Variants in CREBBP observed in about 807,000 individuals in gnomAD.
CREBBP encodes CREB binding lysine acetyltransferase.
In CREBBP, 19 loss-of-function variants were observed where a neutral mutation model predicts 265.0. The ratio of observed to expected loss-of-function variants is 0.07; its 90% CI spans 0.05 to 0.11. The LOEUF is 0.11. Ranked by LOEUF, CREBBP falls within the 10% of genes least tolerant of loss-of-function variation. The pLI, the probability that CREBBP is intolerant of heterozygous loss-of-function variation, is 1.00. For synonymous variants in CREBBP, 1,457 were observed against 1,223.7 expected (o/e 1.19, Z -3.98); for missense variants, 2,525 against 3,219.0 (o/e 0.78, Z 5.22).
intron 11 of CREBBP, among the ~76,000 whole-genome samples, chr16:3,777,130 T>G (rs1321537475): frequency 6.6e-6 from 1 of 151,858 alleles, no homozygotes; most frequent in Non-Finnish European, 1.5e-5. Context: ...ATCACGGAGA[T>G]CAAGACCATC....
intron 2 of CREBBP, among the ~76,000 whole-genome samples, chr16:3,831,459 A>T (rs1474960210): frequency 6.6e-6 from 1 of 152,212 alleles, no homozygotes; most frequent in Admixed American, 6.5e-5. Context: ...TATTGCCCAA[A>T]TGTTAATATT....
intron 2 of CREBBP, among the ~76,000 whole-genome samples, chr16:3,819,602 G>A (rs2054104340): frequency 6.6e-6 from 1 of 152,172 alleles, no homozygotes; most frequent in Admixed American, 6.5e-5. Context: ...GAAAAACACT[G>A]TGACAACAAC....
intron 2 of CREBBP, among the ~76,000 whole-genome samples, chr16:3,842,967 C>CAAAAAAAAAAAAAAA (rs59990532): frequency 4.6e-5 from 3 of 65,212 alleles, no homozygotes; most frequent in African/African-American, 1.9e-4. Context: ...ACTCCCATCT[C>CAAAAAAAAAAAAAAA]AAAAAAAAAA....
At chr16:3,754,833 C>T (rs879349387) in intron 19 of CREBBP, among the ~76,000 whole-genome samples, 3 of 152,082 alleles carry the variant, frequency 2.0e-5, no homozygotes, top group African/African-American at 4.8e-5. Context: ...TTCTAAGTGC[C>T]CAGTTTAGGA....
rs377364441 is a variant in CREBBP at position 3,800,781 on chromosome 16, T to C, written c.976-7155A>G. Among the ~76,000 whole-genome samples, 11 of 152,284 alleles carry C rather than the reference T, an allele frequency of 7.2e-5. No individual in the cohort carries two copies. In the East Asian group the frequency reaches 1.2e-3, roughly 16 times the overall value. On this transcript the variant is annotated intron_variant, in intron 3 of 30. Transcript: ENST00000262367. ...AAGAGAAAAAAGAACAAAAGCCCCATGGGCGACTCCAATGCAGGAGAAGAC... is the reference window on the plus strand; with the variant it reads ...AAGAGAAAAAAGAACAAAAGCCCCACGGGCGACTCCAATGCAGGAGAAGAC...
chr16:3,798,618 A>C (rs983619451), intron 3 of CREBBP, among the ~76,000 whole-genome samples: 1 of 152,240 alleles, frequency 6.6e-6, no homozygotes, highest in Non-Finnish European at 1.5e-5. Flanking sequence ...AGTTAAGACC[A>C]CAGTGAGATA....
intron 1 of CREBBP, among the ~76,000 whole-genome samples, chr16:3,860,519 A>G (rs1210116067): frequency 6.6e-6 from 1 of 152,172 alleles, no homozygotes; most frequent in African/African-American, 2.4e-5. Flanking sequence ...TGGCTCCAAA[A>G]AGAATTTTTA....
rs77696265 is a variant in CREBBP, at chr16:3,837,125, G to A, written c.798+13172C>T. Among the ~76,000 whole-genome samples, 709 of 152,282 alleles carry A rather than the reference G, an allele frequency of 4.7e-3. 9 individuals are homozygous for A. Among genetic ancestry groups the A allele is most frequent in the African/African-American group, 0.016 (670 of 41,560 alleles). On this transcript the variant is annotated intron_variant, in intron 2 of 30. Coordinates refer to ENST00000262367, the MANE Select transcript of CREBBP (RefSeq NM_004380.3). ...AGGTCCTTCAGGCGGTATTCCAGAA[G>A]GCAGCATTGTCATTATAGGAGATGA...
chr16:3,772,748 G>C (rs1208258066), intron 13 of CREBBP, among the ~76,000 whole-genome samples: 1 of 151,910 alleles, frequency 6.6e-6, no homozygotes, highest in South Asian at 2.1e-4. Context: ...ATATAATAAT[G>C]ACTTATGCAG....
At chr16:3,863,876 C>G (rs2055125813) in intron 1 of CREBBP, among the ~76,000 whole-genome samples, 2 of 152,154 alleles carry the variant, frequency 1.3e-5, no homozygotes, top group African/African-American at 4.8e-5. Context: ...AGTAATGACC[C>G]AGCAGCCCCT....
chr16:3,837,558 G>C (rs1312729864), intron 2 of CREBBP, among the ~76,000 whole-genome samples: 4 of 151,842 alleles, frequency 2.6e-5, no homozygotes, highest in Non-Finnish European at 5.9e-5. Flanking sequence ...GGAGGTTGCA[G>C]TGAGCAGAGA....
intron 1 of CREBBP, among the ~76,000 whole-genome samples, chr16:3,873,382 G>A (rs2055338388): frequency 6.6e-6 from 1 of 152,176 alleles, no homozygotes; most frequent in African/African-American, 2.4e-5. Context: ...CAATGGTATA[G>A]ATGACAGAAT....
At position 3,729,204 on chromosome 16, in the gene CREBBP, G is replaced by T; in HGVS notation, c.5843C>A (p.Pro1948Gln). The T allele has an allele frequency of 2.6e-6, 4 of 1,530,230 alleles. No individual in the cohort carries two copies. The highest frequency in any genetic ancestry group is 3.5e-6 in the Non-Finnish European group (4 of 1,144,016). The allele number at this position is 1,530,230 out of a possible 1,614,324, so 94.8% of individuals were successfully genotyped here. The change falls in exon 31 of 31, where the codon CCG becomes CAG. Residue 1948 changes from proline (P) to glutamine (Q), a missense_variant. Around this residue, in one of 19 missense-constraint regions of CREBBP, gnomAD observed 275 missense variants for 276.5 expected, o/e 0.99. Transcript: ENST00000262367. Reference protein sequence around the residue: ...PTSQVPAPPPPAQPPPAAVEA... With the variant: ...PTSQVPAPPPQAQPPPAAVEA... The stretch of plus-strand genomic sequence containing the variant: ...CACCGCTGCAGGAGGGGGCTGGGCC[G>T]GGGGTGGGGGGGCCGGCACCTGGCT...
intron 1 of CREBBP, among the ~76,000 whole-genome samples, chr16:3,873,790 A>ACGGAACT (rs983818825): frequency 1.2e-4 from 18 of 152,308 alleles, no homozygotes; most frequent in Admixed American, 9.2e-4. Flanking sequence ...GCCCATGGGT[A>ACGGAACT]CGGAACTCGG....
At chr16:3,742,586 AATT>A (rs2052243676) in intron 23 of CREBBP, 1 of 151,880 alleles carries the variant, frequency 6.6e-6, no homozygotes, top group African/African-American at 2.4e-5. Context: ...AACACAATAA[AATT>A]ATTATCTTAC....
chr16:3,868,757 CACCACGGGA>C (rs2055231382), intron 1 of CREBBP, among the ~76,000 whole-genome samples: 1 of 152,166 alleles, frequency 6.6e-6, no homozygotes, highest in African/African-American at 2.4e-5. Context: ...CCACGGTGGG[CACCACGGGA>C]CTGCTCACCC....
intron 1 of CREBBP, among the ~76,000 whole-genome samples, chr16:3,859,207 A>G (rs903216054): frequency 6.6e-6 from 1 of 151,536 alleles, no homozygotes; most frequent in Non-Finnish European, 1.5e-5. Context: ...TTATTTTTTT[A>G]TTTTTATTTT....
intron 2 of CREBBP, among the ~76,000 whole-genome samples, chr16:3,818,298 CTTTTCTT>C (rs2054076336): frequency 7.7e-6 from 1 of 130,658 alleles, no homozygotes; most frequent in Non-Finnish European, 1.7e-5. Flanking sequence ...TTTAGGTTTT[CTTTTCTT>C]TTTTTTTTTT....
At chr16:3,756,913 T>C (rs1250195754) in intron 19 of CREBBP, among the ~76,000 whole-genome samples, 1 of 152,178 alleles carries the variant, frequency 6.6e-6, no homozygotes, top group Non-Finnish European at 1.5e-5. Context: ...CTAATCCAAG[T>C]AGTACGGCAA....
Sources: allele counts gnomAD v4.1 joint callset (sites outside exome capture counted in the v4.1 genomes callset), GRCh38; gene constraint gnomAD v4.1.1; regional missense constraint gnomAD v4.1.1; transcripts MANE v1.5; gene names NCBI Gene and HGNC (gene_info 2026-07-23, HGNC 2026-07-21).